The following ANO8 variants were observed in gnomAD, a reference collection of about 807,000 sequenced individuals.
ANO8 encodes the protein anoctamin 8.
In ANO8, 67 loss-of-function variants were observed where a neutral mutation model predicts 120.4. The ratio of observed to expected loss-of-function variants is 0.56; its 90% CI spans 0.46 to 0.68. The LOEUF (loss-of-function observed/expected upper bound fraction) is 0.68, where lower values mean the gene tolerates loss of function less well. ANO8 is among the 30% of genes least tolerant of loss of function. The probability of loss-of-function intolerance (pLI) is 0.00; values close to 1 mark genes in which losing one functional copy is unlikely to be tolerated. For missense variants in ANO8, 1,526 were observed against 1,737.6 expected (o/e 0.88, Z 2.16); for synonymous variants, 727 against 759.2 (o/e 0.96, Z 0.70).
intron 16 of ANO8, among the ~76,000 whole-genome samples, chr19:17,325,958 G>A (rs571343845): frequency 6.2e-4 from 94 of 152,296 alleles, no homozygotes; most frequent in African/African-American, 2.0e-3. Flanking sequence ...CGTATTGGGC[G>A]CCAGCTTCAT....
At chr19:17,326,514 AAAAAC>A (rs1277336490) in intron 16 of ANO8, among the ~76,000 whole-genome samples, 2 of 151,976 alleles carry the variant, frequency 1.3e-5, no homozygotes, top group African/African-American at 4.8e-5. Context: ...GTCTCAAAGA[AAAAAC>A]AAAAACAAAA....
chr19:17,325,497 CTT>C, intron 16 of ANO8, 111 bp from the exon 17 acceptor site: 1 of 1,408,302 alleles, frequency 7.1e-7, no homozygotes, highest in Non-Finnish European at 9.3e-7. Flanking sequence ...GACTTAAATG[CTT>C]ATTAGGCTCC....
At chr19:17,329,542 C>A in intron 12 of ANO8, 1 of 593,128 alleles carries the variant, frequency 1.7e-6, no homozygotes, top group Non-Finnish European at 3.0e-6. Context: ...CGAGCAGGAG[C>A]TGTGAAGGGA....
At chr19:17,332,009 A>ACTGC (rs2074322780) in intron 5 of ANO8, among the ~76,000 whole-genome samples, 1 of 128,038 alleles carries the variant, frequency 7.8e-6, no homozygotes, top group Non-Finnish European at 1.6e-5. Flanking sequence ...ATCTCAGCTC[A>ACTGC]CTGCAACCTC....
rs766075066 is a variant in ANO8 at position 17,328,286 on chromosome 19, G to A, written c.2102C>T (p.Ser701Phe). The A allele has an allele frequency of 9.3e-6, 15 of 1,607,472 alleles. No individual in the cohort carries two copies. Among genetic ancestry groups the A allele is most frequent in the Middle Eastern group, 1.6e-4 (1 of 6,072 alleles). Residue 701 changes from serine to phenylalanine, a missense_variant, in exon 13 of 18, where the codon TCC (serine) becomes TTC (phenylalanine). Ser to Phe is a radical substitution (Grantham distance 155). Coordinates refer to ENST00000159087, the MANE Select transcript of ANO8 (RefSeq NM_020959.3). ...PDGGPDPEPG[S>F]NSDSTRRQRR... ...CTGCCTACGGGTCGAATCGCTGTTGGAGCCGGGTTCCGGGTCCGGGCCCCC... is the reference window on the plus strand; with the variant it reads ...CTGCCTACGGGTCGAATCGCTGTTGAAGCCGGGTTCCGGGTCCGGGCCCCC...
rs1478986653 is a variant in ANO8 at position 17,333,412 on chromosome 19, G to C, written c.350+10C>G. On this transcript the variant is annotated intron_variant, in intron 3 of 17. Transcript: ENST00000159087. This position sits in a 1 kb window ranked among gnomAD's most constrained non-coding sequence, Gnocchi z 7.2. ...CAGGCTCAGCGAGAGGCCAGGGACAGGGGACTCGCCTCTCATACGTGGCGG... is the reference window on the plus strand; with the variant it reads ...CAGGCTCAGCGAGAGGCCAGGGACACGGGACTCGCCTCTCATACGTGGCGG... The C allele has an allele frequency of 6.2e-7, 1 of 1,613,758 alleles. No individual in the cohort carries two copies. The highest frequency in any genetic ancestry group is 1.7e-5 in the Admixed American group (1 of 60,034).
chr19:17,324,716 C>T lies in ANO8; in HGVS notation c.3331+1G>A. 1 of 1,522,260 alleles carries T rather than the reference C, an allele frequency of 6.6e-7. No individual in the cohort carries two copies. Among genetic ancestry groups the T allele is most frequent in the Non-Finnish European group, 8.8e-7 (1 of 1,137,722 alleles). The allele number at this position is 1,522,260 out of a possible 1,614,324, so 94.3% of individuals were successfully genotyped here. A position where few individuals can be genotyped will look rare whatever the true frequency, so the allele number is the denominator to read the frequency against. On this transcript the variant is annotated splice_donor_variant, in intron 17 of 17. Transcript: ENST00000159087. LOFTEE classifies it high-confidence loss of function. The stretch of plus-strand genomic sequence containing the variant: ...CCCACCCCCGAGTTAAAGCTTGTGA[C>T]CTGAGCCTTCCTCTTCGGGCCGGGG...
rs1392828323 is a variant in ANO8 at position 17,324,845 on chromosome 19, C to T, written c.3203G>A (p.Gly1068Glu). 6.2e-7 allele frequency: 1 copy of T among 1,612,340 alleles called. No individual in the cohort carries two copies. Among genetic ancestry groups the T allele is most frequent in the Admixed American group, 1.7e-5 (1 of 59,968 alleles). Residue 1068 changes from glycine (G) to glutamate (E), a missense_variant, in exon 17 of 18, where the codon GGG becomes GAG. Around this residue, in one of 8 missense-constraint regions of ANO8, gnomAD observed 489 missense variants for 548.6 expected, o/e 0.89. Coordinates refer to ENST00000159087, the MANE Select transcript of ANO8 (RefSeq NM_020959.3). ...ATCTGGCCGGGCCTGCCCGCCCGCC[C>T]CGTTGGACCCAGGCTCAGCCCGGGT... The part of the protein sequence containing the change: ...GGTRAEPGSN[G>E]AGGQARPDGT...
At chr19:17,329,054 C>T (rs1222096266) in intron 12 of ANO8, 71 bp from the exon 13 acceptor site, 1 of 1,248,856 alleles carries the variant, frequency 8.0e-7, no homozygotes, top group African/African-American at 1.6e-5. Context: ...GGGACTCACC[C>T]TCCCTGGGCG....
intron 6 of ANO8, 39 bp downstream of exon 6, chr19:17,331,256 C>T (rs1417260247): frequency 8.7e-6 from 14 of 1,614,184 alleles, no homozygotes; most frequent in Non-Finnish European, 1.2e-5. Flanking sequence ...CCCTGCCTGT[C>T]TGCTGGGACT....
chr19:17,327,788 C>A lies in ANO8; in HGVS notation c.2319G>T (p.Leu773=), dbSNP rs545362190. Residue 773 remains leucine (L), a synonymous_variant, in exon 14 of 18, where the codon CTG becomes CTT. Transcript: ENST00000159087. ...TGCGGATCTCAATGAGGTTGTTGAC[C>A]AGGGCGCACAGCGCCGCCAGGGGGA... ...SAFPLAALCA[L]VNNLIEIRSD... 2.7e-5 allele frequency: 44 copies of A among 1,614,210 alleles called. No homozygotes were observed. Among genetic ancestry groups the A allele is most frequent in the Admixed American group, 1.8e-4 (11 of 60,030 alleles).
At chr19:17,329,300 C>T in intron 12 of ANO8, 2 of 374,388 alleles carry the variant, frequency 5.3e-6, no homozygotes, top group Non-Finnish European at 4.8e-6. Context: ...TGGCCGCCCC[C>T]GACCCCAGAT....
chr19:17,333,376 G>A lies in ANO8; in HGVS notation c.350+46C>T. 2 of 1,612,838 alleles carry A rather than the reference G, an allele frequency of 1.2e-6. No individual in the cohort carries two copies. Among genetic ancestry groups the A allele is most frequent in the Middle Eastern group, 1.7e-4 (1 of 6,022 alleles). The stretch of plus-strand genomic sequence containing the variant: ...CATGGTTGGCACTTGGTAGAGCGGG[G>A]AGTCGGGTGGCAGGCTCAGCGAGAG... On this transcript the variant is annotated intron_variant, in intron 3 of 17. Transcript: ENST00000159087. This position sits in a 1 kb window ranked among gnomAD's most constrained non-coding sequence, Gnocchi z 7.2.
Position 17,332,993 on chromosome 19 carries a change from T to C in ANO8, c.523A>G (p.Asn175Asp). Residue 175 changes from asparagine to aspartate, a missense_variant, in exon 5 of 18, where the codon AAT becomes GAT. Asn to Asp is a conservative substitution (Grantham distance 23). Transcript: ENST00000159087. ...GCTTCTCCCTGCTTGGCACGCAAAT[T>C]CTGCAGCCAGAAGCGGATGATGCTC... ...RQSIIRFWLQ[N>D]LRAKQGEALH... The C allele has an allele frequency of 1.2e-5, 20 of 1,614,156 alleles. No individual in the cohort carries two copies. The highest frequency in any genetic ancestry group is 1.7e-5 in the Non-Finnish European group (20 of 1,180,042).
Position 17,330,509 on chromosome 19 carries a change from T to C in ANO8, c.994-5A>G, listed in dbSNP as rs757475975. On this transcript the variant is annotated splice_polypyrimidine_tract_variant and splice_region_variant and intron_variant, in intron 8 of 17. Transcript: ENST00000159087. ...GGGGCTGATACGTCGCACGCCCTGA[T>C]GGTGGGCAAAGACCGGGCCCAGCAT... 19 of 1,507,882 alleles carry C rather than the reference T, an allele frequency of 1.3e-5. No homozygotes were observed. The highest frequency in any genetic ancestry group is 1.8e-4 in the Middle Eastern group (1 of 5,590). The allele number at this position is 1,507,882 out of a possible 1,614,324, so 93.4% of individuals were successfully genotyped here.
Position 17,323,885 on chromosome 19 carries a change from C to A in ANO8, c.3332-1G>T. On this transcript the variant is annotated splice_acceptor_variant, in intron 17 of 17. Coordinates refer to ENST00000159087, the MANE Select transcript of ANO8 (RefSeq NM_020959.3). LOFTEE classifies it high-confidence loss of function. Reference sequence around the variant, plus strand: ...GCGCCCACGGGGGCCAGCGCTGTCCCTGCGGAGGCGAGAGGGGCCGTTCCG... The same window carrying A: ...GCGCCCACGGGGGCCAGCGCTGTCCATGCGGAGGCGAGAGGGGCCGTTCCG... The A allele has an allele frequency of 8.9e-7, 1 of 1,119,380 alleles. No homozygotes were observed. Among genetic ancestry groups the A allele is most frequent in the Non-Finnish European group, 1.1e-6 (1 of 915,612 alleles). 69.3% of individuals were successfully genotyped at this position (1,119,380 alleles called of 1,614,324 possible).
At position 17,325,155 on chromosome 19, in the gene ANO8, G is replaced by A. The variant is rs531712535; in HGVS notation, c.2893C>T (p.Arg965Cys). 24 of 1,613,460 alleles carry A rather than the reference G, an allele frequency of 1.5e-5. No homozygotes were observed. The highest frequency in any genetic ancestry group is 1.9e-5 in the Non-Finnish European group (22 of 1,179,902). ...AGGHGPERPKRPGSLLAPNNV... is the reference protein window; with the variant it reads ...AGGHGPERPKCPGSLLAPNNV... Reference sequence around the variant, plus strand: ...TTGGGTGCCAGCAGGGACCCTGGGCGCTTGGGCCGTTCAGGCCCGTGGCCA... The same window carrying A: ...TTGGGTGCCAGCAGGGACCCTGGGCACTTGGGCCGTTCAGGCCCGTGGCCA... Residue 965 changes from arginine to cysteine, a missense_variant, in exon 17 of 18, where the codon CGC (arginine) becomes TGC (cysteine). Arg to Cys is a radical substitution (Grantham distance 180, BLOSUM62 -3). Coordinates refer to ENST00000159087, the MANE Select transcript of ANO8 (RefSeq NM_020959.3).
intron 9 of ANO8, 36 bp from the exon 10 acceptor site, chr19:17,330,287 G>A: frequency 6.2e-7 from 1 of 1,613,674 alleles, no homozygotes; most frequent in Non-Finnish European, 8.5e-7. Context: ...CATCCCAGCT[G>A]CAGGGCTCAG....
chr19:17,327,971 G>A lies in ANO8; in HGVS notation c.2227-91C>T, dbSNP rs921301662. 15 of 1,521,130 alleles carry A rather than the reference G, an allele frequency of 9.9e-6. No homozygotes were observed. The African/African-American group carries it at 2.1e-4, about 21-fold the overall frequency. The allele number at this position is 1,521,130 out of a possible 1,614,324, so 94.2% of individuals were successfully genotyped here. A position where few individuals can be genotyped will look rare whatever the true frequency, so the allele number is the denominator to read the frequency against. Reference sequence around the variant, plus strand: ...CGCCTCCCTCAGATTATCCCATGTGGACCCAGGGCCTGTCCCCATCCTCAG... The same window carrying A: ...CGCCTCCCTCAGATTATCCCATGTGAACCCAGGGCCTGTCCCCATCCTCAG... On this transcript the variant is annotated intron_variant, in intron 13 of 17. Coordinates refer to ENST00000159087, the MANE Select transcript of ANO8 (RefSeq NM_020959.3).
Sources: gnomAD v4.1 joint callset for allele counts (sites outside exome capture counted in the v4.1 genomes callset) on GRCh38, gnomAD v4.1.1 for gene constraint, gnomAD v4.1.1 regional missense constraint, Gnocchi (gnomAD v3.1) non-coding constraint, MANE v1.5 for transcripts, NCBI Gene and HGNC (gene_info 2026-07-23, HGNC 2026-07-21) for gene names.